TRAPPC9: variants seen among roughly 807,000 people sequenced by gnomAD.
TRAPPC9 encodes the protein trafficking protein particle complex subunit 9.
Under a neutral mutation model 124.0 loss-of-function variants are expected in TRAPPC9, and 83 were observed. That is an observed-to-expected ratio of 0.67 (90% CI 0.56 to 0.80). The LOEUF (loss-of-function observed/expected upper bound fraction) is 0.80, where lower values mean the gene tolerates loss of function less well. TRAPPC9 is among the 30% of genes least tolerant of loss of function. TRAPPC9 has a pLI of 0.00. For missense variants in TRAPPC9, 1,302 were observed against 1,508.3 expected, an observed-to-expected ratio of 0.86 and a Z score of 2.27; for synonymous variants, 638 against 617.5, an observed-to-expected ratio of 1.03 and a Z score of -0.49.
intron 19 of TRAPPC9, among the ~76,000 whole-genome samples, chr8:139,945,747 T>C (rs1285597843): frequency 6.6e-6 from 1 of 152,218 alleles, no homozygotes; most frequent in African/African-American, 2.4e-5. Flanking sequence ...TCTGAATAGA[T>C]GTCAAATGAC....
chr8:140,163,911 G>A (rs2061790631), intron 17 of TRAPPC9, among the ~76,000 whole-genome samples: 1 of 152,178 alleles, frequency 6.6e-6, no homozygotes, highest in East Asian at 1.9e-4. Flanking sequence ...TTAACAAATG[G>A]AAAGGAGGAG....
chr8:139,994,979 T>C (rs928977002), intron 18 of TRAPPC9, among the ~76,000 whole-genome samples: 3 of 57,482 alleles, frequency 5.2e-5, no homozygotes, highest in African/African-American at 1.1e-4. Context: ...AATTGGTTTG[T>C]GTTTAAAAAA....
In TRAPPC9 at chr8:140,283,997, A is replaced by G. The variant is rs1365243695; in HGVS notation, c.2006T>C (p.Val669Ala). 12 of 1,614,004 alleles carry G rather than the reference A, an allele frequency of 7.4e-6. No individual in the cohort carries two copies. The highest frequency in any genetic ancestry group is 1.1e-5 in the South Asian group (1 of 91,078). ...VNGYHTTVFG[V>A]FSDCLLDNLP... is the part of the protein sequence containing the mutation. ...GTTATCCAGCAAACAGTCACTGAAC[A>G]CACCGAAGACCGTGGTATGGTAACC... The change falls in exon 14 of 23, where the codon GTG becomes GCG. Residue 669 changes from valine (V) to alanine (A), a missense_variant. By Grantham distance (64) the Val-to-Ala change is moderately conservative (BLOSUM62 0). Coordinates refer to ENST00000438773, the MANE Select transcript of TRAPPC9 (RefSeq NM_001160372.4).
chr8:140,153,530 G>T (rs1483508520), intron 17 of TRAPPC9, among the ~76,000 whole-genome samples: 2 of 151,870 alleles, frequency 1.3e-5, no homozygotes, highest in African/African-American at 2.4e-5. Flanking sequence ...TTATGTTTAT[G>T]GCTCTGTCTT....
At chr8:140,220,918 A>G (rs1391723633) in intron 17 of TRAPPC9, among the ~76,000 whole-genome samples, 1 of 152,116 alleles carries the variant, frequency 6.6e-6, no homozygotes, top group African/African-American at 2.4e-5. Context: ...AGAGCTTCCC[A>G]TGTGCTGAAG....
chr8:140,192,053 G>A (rs2062504244), intron 17 of TRAPPC9, among the ~76,000 whole-genome samples: 1 of 152,150 alleles, frequency 6.6e-6, no homozygotes, highest in African/African-American at 2.4e-5. Context: ...GAAAAAATAT[G>A]GTATCCCTTC....
At position 140,216,949 on chromosome 8, in the gene TRAPPC9, TC is replaced by T. The variant is rs2063210956; in HGVS notation, c.2556+4509del. On this transcript the variant is annotated intron_variant, in intron 17 of 22. Coordinates refer to ENST00000438773, the MANE Select transcript of TRAPPC9 (RefSeq NM_001160372.4). This position sits in a 1 kb window ranked among gnomAD's most constrained non-coding sequence, Gnocchi z 4.1. ...AAGACAGCCATGATGCACCCTTGTT[TC>T]CCCATCACACGGCACGCTGCTTAAC... Among the ~76,000 whole-genome samples, 1 of 152,158 alleles carries T rather than the reference TC, an allele frequency of 6.6e-6. No individual in the cohort carries two copies. The highest frequency in any genetic ancestry group is 1.5e-5 in the Non-Finnish European group (1 of 68,020).
intron 16 of TRAPPC9, among the ~76,000 whole-genome samples, chr8:140,231,912 T>C (rs1015432037): frequency 1.3e-5 from 2 of 152,050 alleles, no homozygotes; most frequent in Non-Finnish European, 2.9e-5. Flanking sequence ...CCTGATTATA[T>C]ACTCACAACA....
At chr8:140,175,543 C>T (rs1296541524) in intron 17 of TRAPPC9, among the ~76,000 whole-genome samples, 1 of 152,184 alleles carries the variant, frequency 6.6e-6, no homozygotes, top group Non-Finnish European at 1.5e-5. Flanking sequence ...CTCACATCTC[C>T]AGAGTAAACT....
At chr8:140,053,186 A>G (rs537620564) in intron 17 of TRAPPC9, among the ~76,000 whole-genome samples, 1 of 152,336 alleles carries the variant, frequency 6.6e-6, no homozygotes, top group Non-Finnish European at 1.5e-5. Context: ...ATGAGACAGA[A>G]CATTTACTTA....
At chr8:140,415,130 G>C (rs1470768132) in intron 5 of TRAPPC9, among the ~76,000 whole-genome samples, 1 of 152,104 alleles carries the variant, frequency 6.6e-6, no homozygotes, top group Admixed American at 6.5e-5. Flanking sequence ...AGGATCTCTT[G>C]AGCCCAGGAA....
intron 5 of TRAPPC9, among the ~76,000 whole-genome samples, chr8:140,425,575 A>T (rs1047334615): frequency 5.5e-4 from 84 of 152,262 alleles, no homozygotes; most frequent in African/African-American, 2.0e-3. Flanking sequence ...CTACTTCTAT[A>T]TGGTGTACAC....
Position 140,457,704 on chromosome 8 carries a change from T to C in TRAPPC9, c.-76A>G, listed in dbSNP as rs191637956. The C allele has an allele frequency of 1.8e-5, 18 of 988,074 alleles. No homozygotes were observed. The highest frequency in any genetic ancestry group is 1.0e-3 in the Middle Eastern group (2 of 1,926). The allele number at this position is 988,074 out of a possible 1,614,324, so 61.2% of individuals were successfully genotyped here. A position where few individuals can be genotyped will look rare whatever the true frequency, so the allele number is the denominator to read the frequency against. ...TGGCGGGCAGCGGGGCCGAGCAGCC[T>C]CTGCGGCCACTTCCCAGGCTCTGGG... On this transcript the variant is annotated 5_prime_UTR_variant, in exon 1 of 23. Coordinates refer to ENST00000438773, the MANE Select transcript of TRAPPC9 (RefSeq NM_001160372.4).
chr8:140,267,629 G>A (rs573315097), intron 15 of TRAPPC9, among the ~76,000 whole-genome samples: 111 of 152,106 alleles, frequency 7.3e-4, no homozygotes, highest in South Asian at 4.4e-3. Flanking sequence ...TGTGGAGAGC[G>A]CTAAGAGTAA....
intron 21 of TRAPPC9, among the ~76,000 whole-genome samples, chr8:139,870,702 T>G (rs2131030172): frequency 6.6e-6 from 1 of 152,176 alleles, no homozygotes; most frequent in South Asian, 2.1e-4. Flanking sequence ...GAAAAGAAAT[T>G]TACAGACTAT....
chr8:140,115,172 A>G (rs1010852372), intron 17 of TRAPPC9, among the ~76,000 whole-genome samples: 1 of 152,168 alleles, frequency 6.6e-6, no homozygotes, highest in Non-Finnish European at 1.5e-5. Flanking sequence ...CAGTATTTGC[A>G]TGTCTACTTA....
intron 16 of TRAPPC9, among the ~76,000 whole-genome samples, chr8:140,236,186 G>A (rs895632132): frequency 2.0e-5 from 3 of 149,250 alleles, no homozygotes; most frequent in South Asian, 4.3e-4. Flanking sequence ...AGGCTCAAGC[G>A]ATTCTCCTGC....
At chr8:139,925,256 G>A (rs1392414968) in intron 19 of TRAPPC9, among the ~76,000 whole-genome samples, 1 of 152,216 alleles carries the variant, frequency 6.6e-6, no homozygotes, top group East Asian at 1.9e-4. Context: ...CAACAGCACT[G>A]GAGGCCGAAA....
chr8:140,300,571 T>C lies in TRAPPC9; in HGVS notation c.1666A>G (p.Lys556Glu). 1 of 1,614,266 alleles carries C rather than the reference T, an allele frequency of 6.2e-7. No homozygotes were observed. The highest frequency in any genetic ancestry group is 8.5e-7 in the Non-Finnish European group (1 of 1,180,036). Residue 556 changes from lysine to glutamate, a missense_variant, in exon 11 of 23, where the codon AAA becomes GAA. By Grantham distance (56) the Lys-to-Glu change is moderately conservative. Around this residue, in one of 3 missense-constraint regions of TRAPPC9, gnomAD observed 657 missense variants for 811.2 expected, o/e 0.81. Transcript: ENST00000438773. ...TTCTGACCCAGCAAGCTTTTCATTTTGTGTGGCCGGAGGCTAGCAGGAAGG... is the reference window on the plus strand; with the variant it reads ...TTCTGACCCAGCAAGCTTTTCATTTCGTGTGGCCGGAGGCTAGCAGGAAGG... ...LNLPASLRPH[K>E]MKSLLGQNVS...
Sources: allele counts gnomAD v4.1 joint callset (sites outside exome capture counted in the v4.1 genomes callset), GRCh38; gene constraint gnomAD v4.1.1; regional missense constraint gnomAD v4.1.1; non-coding constraint Gnocchi (gnomAD v3.1); transcripts MANE v1.5; gene names NCBI Gene and HGNC (gene_info 2026-07-23, HGNC 2026-07-21).